The following NSFL1C variants were observed in gnomAD, a reference collection of about 807,000 sequenced individuals.
The protein encoded by NSFL1C is NSFL1 cofactor p47.
NSFL1C carries 14 observed loss-of-function variants against 43.1 expected under a neutral mutation model. The ratio of observed to expected loss-of-function variants is 0.32; its 90% CI spans 0.21 to 0.51. The LOEUF (loss-of-function observed/expected upper bound fraction) is 0.51, where lower values mean the gene tolerates loss of function less well. Among genes scored for constraint, NSFL1C ranks in the 20% least tolerant of loss-of-function variants. NSFL1C has a pLI of 0.98. For synonymous variants in NSFL1C, 171 were observed against 183.5 expected (o/e 0.93, Z 0.55); for missense variants, 406 against 472.5 (o/e 0.86, Z 1.30).
At chr20:1,448,704 C>A in intron 7 of NSFL1C, among the ~76,000 whole-genome samples, 1 of 152,150 alleles carries the variant, frequency 6.6e-6, no homozygotes, top group South Asian at 2.1e-4. Context: ...CTTACTTAAC[C>A]CACAGGCTTA....
chr20:1,443,654 G>A lies in NSFL1C; in HGVS notation c.*95C>T. ...GGAGGAGACGTTGCACTGGACTGCT[G>A]GGTGTGCACAAGGGGGCAGGAGGGG... is the stretch of plus-strand genomic sequence containing the variant. On this transcript the variant is annotated 3_prime_UTR_variant, in exon 9 of 9. Coordinates refer to ENST00000216879, the MANE Select transcript of NSFL1C (RefSeq NM_016143.5). 7.6e-7 allele frequency: 1 copy of A among 1,316,580 alleles called. No individual in the cohort carries two copies. Among genetic ancestry groups the A allele is most frequent in the Non-Finnish European group, 1.1e-6 (1 of 929,796 alleles). 81.6% of individuals were successfully genotyped at this position (1,316,580 alleles called of 1,614,324 possible). A position where few individuals can be genotyped will look rare whatever the true frequency, so the allele number is the denominator to read the frequency against.
intron 2 of NSFL1C, among the ~76,000 whole-genome samples, chr20:1,460,741 G>C (rs2090392699): frequency 6.6e-6 from 1 of 152,220 alleles, no homozygotes; most frequent in Non-Finnish European, 1.5e-5. Flanking sequence ...AATGTGGTTA[G>C]AGAAAACGAG....
chr20:1,463,007 T>A (rs1427600153), intron 2 of NSFL1C, among the ~76,000 whole-genome samples: 1 of 152,196 alleles, frequency 6.6e-6, no homozygotes, highest in African/African-American at 2.4e-5. Flanking sequence ...TCATTACCAT[T>A]TGACAGGCGA....
At chr20:1,449,498 C>T (rs886183853) in intron 7 of NSFL1C, among the ~76,000 whole-genome samples, 4 of 152,162 alleles carry the variant, frequency 2.6e-5, no homozygotes, top group Non-Finnish European at 2.9e-5. Flanking sequence ...CTAATCATCC[C>T]GCAGGGCAGC....
chr20:1,443,722 A>G lies in NSFL1C; in HGVS notation c.*27T>C. 6.2e-7 allele frequency: 1 copy of G among 1,611,730 alleles called. No individual in the cohort carries two copies. Among genetic ancestry groups the G allele is most frequent in the Non-Finnish European group, 8.5e-7 (1 of 1,178,158 alleles). On this transcript the variant is annotated 3_prime_UTR_variant, in exon 9 of 9. Transcript: ENST00000216879. Reference sequence around the variant, plus strand: ...GGCCACTGGCCATGGGAAACACAGGAGGGAGGCCAGGCAGCTGGCTGGGCG... The same window carrying G: ...GGCCACTGGCCATGGGAAACACAGGGGGGAGGCCAGGCAGCTGGCTGGGCG...
chr20:1,445,623 G>C (rs750224229), intron 8 of NSFL1C, 43 bp downstream of exon 8: 94 of 1,603,700 alleles, frequency 5.9e-5, no homozygotes, highest in Non-Finnish European at 7.8e-5. Flanking sequence ...GTGAGGCCCA[G>C]AGGACACTCC....
At chr20:1,465,902 T>C (rs760344410) in intron 1 of NSFL1C, among the ~76,000 whole-genome samples, 5 of 152,172 alleles carry the variant, frequency 3.3e-5, no homozygotes, top group Non-Finnish European at 7.3e-5. Context: ...ATGCGAAGGT[T>C]AAATGACAAA....
intron 7 of NSFL1C, among the ~76,000 whole-genome samples, chr20:1,448,615 G>A (rs2122834098): frequency 6.6e-6 from 1 of 152,222 alleles, no homozygotes; most frequent in East Asian, 1.9e-4. Context: ...GAGGCAGGGT[G>A]GCCTGATAAA....
intron 2 of NSFL1C, among the ~76,000 whole-genome samples, chr20:1,461,989 CAA>C (rs2090420820): frequency 6.6e-6 from 1 of 152,280 alleles, no homozygotes; most frequent in Non-Finnish European, 1.5e-5. Context: ...TCTCTTGCCA[CAA>C]AAGATACCTG....
chr20:1,457,902 T>C, intron 3 of NSFL1C: 1 of 328,774 alleles, frequency 3.0e-6, no homozygotes, highest in Non-Finnish European at 5.7e-6. Context: ...CGTAGACACC[T>C]CTTTACAAAC....
chr20:1,445,516 T>C (rs1028554959), intron 8 of NSFL1C, 150 bp downstream of exon 8: 10 of 842,414 alleles, frequency 1.2e-5, no homozygotes, highest in Admixed American at 5.1e-5. Flanking sequence ...GCTTCAGACT[T>C]GTAGTCCTTA....
At chr20:1,456,719 TA>T (rs2090309131) in intron 3 of NSFL1C, 1 of 152,170 alleles carries the variant, frequency 6.6e-6, no homozygotes, top group Admixed American at 6.5e-5. Flanking sequence ...TCAAGAGCCT[TA>T]AAAATATGCA....
intron 1 of NSFL1C, among the ~76,000 whole-genome samples, chr20:1,465,528 T>G (rs1312577506): frequency 6.6e-6 from 1 of 152,200 alleles, no homozygotes; most frequent in Non-Finnish European, 1.5e-5. Context: ...GGCTTCCCAT[T>G]GTGTCTAGGT....
rs766716873 is a variant in NSFL1C at position 1,464,477 on chromosome 20, C to T, written c.106-51G>A. 40 of 1,433,484 alleles carry T rather than the reference C, an allele frequency of 2.8e-5. 1 individual carries two copies. The highest frequency in any genetic ancestry group is 3.5e-4 in the Middle Eastern group (2 of 5,684). 88.8% of individuals were successfully genotyped at this position (1,433,484 alleles called of 1,614,324 possible). On this transcript the variant is annotated intron_variant, in intron 1 of 8. Coordinates refer to ENST00000216879, the MANE Select transcript of NSFL1C (RefSeq NM_016143.5). The stretch of plus-strand genomic sequence containing the variant: ...GACCCTTAAACAGGCCTTCACCTAA[C>T]GCACATCTCCTTTGAGCACAAAGGA...
At chr20:1,464,590 C>T (rs1461484382) in intron 1 of NSFL1C, among the ~76,000 whole-genome samples, 164 bp from the exon 2 acceptor site, 1 of 152,224 alleles carries the variant, frequency 6.6e-6, no homozygotes, top group Non-Finnish European at 1.5e-5. Flanking sequence ...AGCTGTTAGT[C>T]TTCGTGTCAA....
At chr20:1,450,603 C>T (rs2090162996) in intron 7 of NSFL1C, among the ~76,000 whole-genome samples, 1 of 151,984 alleles carries the variant, frequency 6.6e-6, no homozygotes, top group Non-Finnish European at 1.5e-5. Context: ...AAAATCATAC[C>T]CAAAGTGCAT....
intron 2 of NSFL1C, among the ~76,000 whole-genome samples, chr20:1,459,797 A>G (rs62186877): frequency 0.067 from 10,255 of 152,332 alleles, 425 homozygotes; most frequent in Non-Finnish European, 0.092. Flanking sequence ...TGAGAGTACT[A>G]GTTCCACTCA....
chr20:1,458,639 G>A (rs763388391), intron 2 of NSFL1C, among the ~76,000 whole-genome samples: 8 of 151,602 alleles, frequency 5.3e-5, no homozygotes, highest in East Asian at 2.0e-4. Flanking sequence ...TACAGACAGC[G>A]GGGAGTAACA....
Position 1,448,577 on chromosome 20 carries a change from T to G in NSFL1C, c.786-2747A>C, listed in dbSNP as rs544145418. On this transcript the variant is annotated intron_variant, in intron 7 of 8. Transcript: ENST00000216879. Reference sequence around the variant, plus strand: ...GCTGTGTAGCTTCTGACTGGCTGTTTCTCTTACACACTCCCTAAAAATTAG... The same window carrying G: ...GCTGTGTAGCTTCTGACTGGCTGTTGCTCTTACACACTCCCTAAAAATTAG... 4.6e-5 allele frequency among the ~76,000 whole-genome samples: 7 copies of G among 152,282 alleles called. No homozygotes were observed. In the South Asian group the frequency reaches 1.5e-3, roughly 32 times the overall value.
Sources: allele counts gnomAD v4.1 joint callset (sites outside exome capture counted in the v4.1 genomes callset), GRCh38; gene constraint gnomAD v4.1.1; transcripts MANE v1.5; gene names NCBI Gene and HGNC (gene_info 2026-07-23, HGNC 2026-07-21).